The following GPN2 variants were observed in gnomAD, a reference collection of about 807,000 sequenced individuals.
GPN2 encodes ATP-binding domain 1 family member B.
GPN2 carries 27 observed loss-of-function variants against 30.1 expected under a neutral mutation model. The observed-to-expected ratio is 0.90, with a 90% confidence interval of 0.66 to 1.24. The LOEUF is 1.24. Ranked by LOEUF, GPN2 falls within the 50% of genes most tolerant of loss-of-function variation. The pLI, the probability that GPN2 is intolerant of heterozygous loss-of-function variation, is 0.00. For synonymous variants in GPN2, 212 were observed against 174.4 expected, an observed-to-expected ratio of 1.22 and a Z score of -1.70; for missense variants, 406 against 405.4, an observed-to-expected ratio of 1.00 and a Z score of -0.01.
chr1:26,886,443 C>A (rs1016276761), intron 2 of GPN2: 10 of 470,448 alleles, frequency 2.1e-5, no homozygotes, highest in South Asian at 1.5e-4. Flanking sequence ...TGCCTGTAAT[C>A]CCAGCACTTT....
chr1:26,888,808 GCA>G, intron 2 of GPN2, 159 bp downstream of exon 2: 1 of 699,838 alleles, frequency 1.4e-6, no homozygotes, highest in Non-Finnish European at 2.6e-6. Context: ...ACGGTAACTA[GCA>G]CAGAGTGGCA....
In GPN2 at chr1:26,884,176, C is replaced by A; in HGVS notation, c.844G>T (p.Asp282Tyr). Residue 282 changes from aspartate (D) to tyrosine (Y), a missense_variant, in exon 4 of 5, where the codon GAC becomes TAC. Transcript: ENST00000374135. ...CAAGGATACGAAGAGAAATGGAAGT[C>A]GGCTCCCATTGCGGCAGACATCATG... ...EAMMSAAMGA[D>Y]FHFSSTLGIQ... is the part of the protein sequence containing the mutation. 1 of 1,613,172 alleles carries A rather than the reference C, an allele frequency of 6.2e-7. No homozygotes were observed. The highest frequency in any genetic ancestry group is 1.1e-5 in the South Asian group (1 of 90,962).
chr1:26,889,652 T>A, intron 1 of GPN2, 34 bp downstream of exon 1: 2 of 1,542,898 alleles, frequency 1.3e-6, no homozygotes, highest in South Asian at 1.2e-5. Context: ...AGTTACTCCA[T>A]CCGCAAAATG....
At position 26,880,317 on chromosome 1, in the gene GPN2, C is replaced by G. The variant is rs563807542; in HGVS notation, c.861-568G>C. 2.6e-5 allele frequency among the ~76,000 whole-genome samples: 4 copies of G among 152,246 alleles called. No homozygotes were observed. In the East Asian group the frequency reaches 7.7e-4, roughly 29 times the overall value. On this transcript the variant is annotated intron_variant, in intron 4 of 4. Transcript: ENST00000374135. ...AATGATGTTCGAGTTACAGACCTTT[C>G]TTTTTCTTTTTTTTGAGACAGAGTC...
chr1:26,889,878 C>A lies in GPN2; in HGVS notation c.219G>T (p.Leu73=). The stretch of plus-strand genomic sequence containing the variant: ...GCAGGCCGCCGTTGGGCCCCAGGCG[C>A]AGCGCGTCCATCACGTCGCCCAGCC... The part of the protein sequence containing the change: ...LVGLGDVMDA[L]RLGPNGGLLY... The change falls in exon 1 of 5, where the codon CTG becomes CTT. Residue 73 remains leucine (L), a synonymous_variant. Transcript: ENST00000374135. The A allele has an allele frequency of 1.2e-6, 2 of 1,611,740 alleles. No individual in the cohort carries two copies. The highest frequency in any genetic ancestry group is 1.7e-6 in the Non-Finnish European group (2 of 1,178,830).
Position 26,890,155 on chromosome 1 carries a change from C to A in GPN2, c.-59G>T. ...AGGGAAAACGGGGCAGGTAGCCGCG[C>A]CGGAGACGAGACTGAGGGCGAGGGT... is the stretch of plus-strand genomic sequence containing the variant. On this transcript the variant is annotated 5_prime_UTR_variant, in exon 1 of 5. Coordinates refer to ENST00000374135, the MANE Select transcript of GPN2 (RefSeq NM_018066.4). 5.7e-6 allele frequency: 8 copies of A among 1,400,872 alleles called. No homozygotes were observed. Among genetic ancestry groups the A allele is most frequent in the Non-Finnish European group, 6.6e-6 (7 of 1,063,366 alleles). The allele number at this position is 1,400,872 out of a possible 1,614,324, so 86.8% of individuals were successfully genotyped here.
chr1:26,883,703 G>A (rs1400634638), intron 4 of GPN2, among the ~76,000 whole-genome samples: 1 of 151,740 alleles, frequency 6.6e-6, no homozygotes, highest in African/African-American at 2.4e-5. Flanking sequence ...AGAATTGCTT[G>A]AATATGGGAG....
intron 2 of GPN2, 59 bp downstream of exon 2, chr1:26,888,910 G>A: frequency 6.4e-7 from 1 of 1,569,578 alleles, no homozygotes; most frequent in Non-Finnish European, 8.8e-7. Flanking sequence ...CAGCTGAGAT[G>A]TCTGCTTCAT....
chr1:26,882,245 G>A (rs984955760), intron 4 of GPN2, among the ~76,000 whole-genome samples: 1 of 150,596 alleles, frequency 6.6e-6, no homozygotes, highest in African/African-American at 2.4e-5. Flanking sequence ...AGGGCCAGGT[G>A]TGGTGGAGCA....
intron 4 of GPN2, among the ~76,000 whole-genome samples, chr1:26,883,509 G>A (rs755062794): frequency 4.6e-5 from 7 of 151,484 alleles, no homozygotes; most frequent in Admixed American, 6.6e-5. Flanking sequence ...ATCCACGGCC[G>A]GGCGCAGTGG....
In GPN2 at chr1:26,889,046, G is replaced by A. The variant is rs1356025555; in HGVS notation, c.491C>T (p.Ala164Val). 6.2e-7 allele frequency: 1 copy of A among 1,613,936 alleles called. No homozygotes were observed. The highest frequency in any genetic ancestry group is 8.5e-7 in the Non-Finnish European group (1 of 1,179,754). ...GGGCAGTTCCACGTGCAGCATGGTG[G>A]CCAGGGAGGTACACAGTACTGAAAT... ...KFISVLCTSLATMLHVELPHI... is the reference protein window; with the variant it reads ...KFISVLCTSLVTMLHVELPHI... The change falls in exon 2 of 5, where the codon GCC (alanine) becomes GTC (valine). Residue 164 changes from alanine (A) to valine (V), a missense_variant. Ala to Val is a moderately conservative substitution (Grantham distance 64). Coordinates refer to ENST00000374135, the MANE Select transcript of GPN2 (RefSeq NM_018066.4).
At chr1:26,883,528 T>A (rs964850413) in intron 4 of GPN2, among the ~76,000 whole-genome samples, 4 of 151,466 alleles carry the variant, frequency 2.6e-5, no homozygotes, top group African/African-American at 9.7e-5. Context: ...GGCTCATGCC[T>A]GTAATCCCAG....
In GPN2 at chr1:26,876,878, T is replaced by C. The variant is rs2081839909; in HGVS notation, c.*2799A>G. The C allele has an allele frequency of 6.6e-6, 1 of 151,840 alleles. No homozygotes were observed. The allele number at this position is 151,840 out of a possible 1,614,324, so 9.4% of individuals were successfully genotyped here. ...GCAGAGAATGCTGAGGGTGCTTGCA[T>C]ACGAGACCATAAAGTTGTAAAGGAT... On this transcript the variant is annotated 3_prime_UTR_variant, in exon 5 of 5. Coordinates refer to ENST00000374135, the MANE Select transcript of GPN2 (RefSeq NM_018066.4).
chr1:26,886,089 G>A lies in GPN2; in HGVS notation c.613C>T (p.Leu205=). 6.2e-7 allele frequency: 1 copy of A among 1,613,596 alleles called. No individual in the cohort carries two copies. The highest frequency in any genetic ancestry group is 8.5e-7 in the Non-Finnish European group (1 of 1,179,502). ...YYTEVLDLSY[L]LDHLASDPFF... is the part of the protein sequence containing the mutation. Reference sequence around the variant, plus strand: ...GGGTCAGAAGCCAGGTGGTCAAGCAGGTAGGAGAGGTCCAGAACCTCTGTG... The same window carrying A: ...GGGTCAGAAGCCAGGTGGTCAAGCAAGTAGGAGAGGTCCAGAACCTCTGTG... The change falls in exon 3 of 5, where the codon CTG becomes TTG. Residue 205 remains leucine, a synonymous_variant. Transcript: ENST00000374135.
rs1267449628 is a variant in GPN2 at position 26,889,974 on chromosome 1, C to T, written c.123G>A (p.Ala41=). The T allele has an allele frequency of 6.2e-7, 1 of 1,603,832 alleles. No homozygotes were observed. Among genetic ancestry groups the T allele is most frequent in the African/African-American group, 1.3e-5 (1 of 75,034 alleles). ...CGTTGGCCGGGTCCAGGTTCACCAC[C>T]GCCACGCGCCGGCCCAGCGCGCGCA... The part of the protein sequence containing the change: ...EFLRALGRRV[A]VVNLDPANEG... Residue 41 remains alanine, a synonymous_variant, in exon 1 of 5, where the codon GCG becomes GCA. Transcript: ENST00000374135.
chr1:26,889,334 G>A (rs567696278), intron 1 of GPN2, among the ~76,000 whole-genome samples: 13 of 152,086 alleles, frequency 8.5e-5, no homozygotes, highest in Admixed American at 5.2e-4. Context: ...GCCTCCCAGT[G>A]GGCAAGGGGT....
At chr1:26,885,377 G>A (rs1244501528) in intron 3 of GPN2, among the ~76,000 whole-genome samples, 3 of 152,044 alleles carry the variant, frequency 2.0e-5, no homozygotes, top group Non-Finnish European at 2.9e-5. Flanking sequence ...CCCTGGTCCT[G>A]GTGAACTTTC....
At chr1:26,881,933 AGGCCG>A (rs1387641318) in intron 4 of GPN2, among the ~76,000 whole-genome samples, 2 of 152,068 alleles carry the variant, frequency 1.3e-5, no homozygotes, top group East Asian at 3.9e-4. Context: ...TAAAAGTTGC[AGGCCG>A]GGCATGGTGG....
chr1:26,886,603 G>T (rs1570693773), intron 2 of GPN2: 2 of 377,380 alleles, frequency 5.3e-6, no homozygotes, highest in Non-Finnish European at 1.1e-5. Context: ...CGGATCACAA[G>T]GTCAGGAGAT....
Sources: allele counts gnomAD v4.1 joint callset (sites outside exome capture counted in the v4.1 genomes callset), GRCh38; gene constraint gnomAD v4.1.1; transcripts MANE v1.5; gene names NCBI Gene and HGNC (gene_info 2026-07-23, HGNC 2026-07-21).